The following LAMA1 variants were observed in gnomAD, a reference collection of about 807,000 sequenced individuals.
The protein encoded by LAMA1 is laminin subunit alpha 1, also known as laminin subunit alpha-1.
In LAMA1, 219 loss-of-function variants were observed where a neutral mutation model predicts 348.7. The ratio of observed to expected loss-of-function variants is 0.63; its 90% CI spans 0.56 to 0.70. The LOEUF (loss-of-function observed/expected upper bound fraction) is 0.70. Ranked by LOEUF, LAMA1 falls within the 30% of genes least tolerant of loss-of-function variation. The pLI is 0.00. For synonymous variants in LAMA1, 1,487 were observed against 1,491.0 expected (o/e 1.00, Z 0.06); for missense variants, 3,744 against 3,888.0 (o/e 0.96, Z 0.99).
At chr18:6,982,407 G>T in intron 41 of LAMA1, 90 bp downstream of exon 41, 3 of 1,017,460 alleles carry the variant, frequency 2.9e-6, no homozygotes, top group Non-Finnish European at 4.7e-6. Context: ...GCTTCAAGTT[G>T]CTGCATGCAA....
intron 36 of LAMA1, 118 bp downstream of exon 36, chr18:6,992,441 CTT>C (rs889267519): frequency 4.4e-6 from 5 of 1,133,984 alleles, no homozygotes; most frequent in Non-Finnish European, 6.7e-6. Context: ...CTTCTCCTCT[CTT>C]AGGATATTTC....
intron 56 of LAMA1, chr18:6,956,419 T>C (rs751512025): frequency 1.4e-6 from 1 of 731,160 alleles, no homozygotes; most frequent in South Asian, 1.5e-5. Context: ...GCCTGGGTGT[T>C]GGGGCCTACA....
chr18:7,026,008 G>A lies in LAMA1; in HGVS notation c.2373C>T (p.Cys791=), dbSNP rs536633386. Residue 791 remains cysteine (C), a synonymous_variant, in exon 17 of 63, where the codon TGC becomes TGT. Transcript: ENST00000389658. ...SRGTPGDCQP[C]ACPLTIASNN... ...TGGAGGCTATGGTGAGAGGGCAGGC[G>A]CAGGGCTGGCAGTCCCCAGGTGTCC... 29 of 1,608,786 alleles carry A rather than the reference G, an allele frequency of 1.8e-5. No homozygotes were observed. The highest frequency in any genetic ancestry group is 1.6e-4 in the South Asian group (14 of 89,930).
Position 7,012,110 on chromosome 18 carries a change from T to C in LAMA1, c.3392A>G (p.Glu1131Gly), listed in dbSNP as rs564187115. The C allele has an allele frequency of 3.1e-6, 5 of 1,613,844 alleles. No individual in the cohort carries two copies. In the African/African-American group the frequency reaches 5.3e-5, roughly 17 times the overall value. ...GAGAGCGAAGGTGCCCTCTCGACAT[T>C]CGTTGCACTGAGGACCAAAGACATT... ...KENVFGPQCN[E>G]CREGTFALRA... Residue 1131 changes from glutamate (E) to glycine (G), a missense_variant, in exon 24 of 63, where the codon GAA becomes GGA. Transcript: ENST00000389658.
chr18:7,023,890 G>A (rs991222338), intron 18 of LAMA1, among the ~76,000 whole-genome samples: 1 of 152,148 alleles, frequency 6.6e-6, no homozygotes, highest in Non-Finnish European at 1.5e-5. Flanking sequence ...CTAGGCTGGA[G>A]TGCAATGGCG....
intron 54 of LAMA1, among the ~76,000 whole-genome samples, chr18:6,959,060 C>T (rs2057594538): frequency 6.6e-6 from 1 of 152,070 alleles, no homozygotes; most frequent in Non-Finnish European, 1.5e-5. Context: ...TAATAGTGTA[C>T]TACTATTTGC....
intron 25 of LAMA1, among the ~76,000 whole-genome samples, chr18:7,010,993 A>G (rs2057857169): frequency 6.6e-6 from 1 of 152,212 alleles, no homozygotes; most frequent in African/African-American, 2.4e-5. Context: ...CTAATGACAC[A>G]TTCCCCTAGA....
At position 7,008,517 on chromosome 18, in the gene LAMA1, GAC is replaced by G. The variant is rs2057843645; in HGVS notation, c.4091_4092del (p.Cys1364SerfsTer26). On this transcript the variant is annotated frameshift_variant, in exon 28 of 63. Transcript: ENST00000389658. LOFTEE classifies it high-confidence loss of function. Reference protein sequence around the residue: ...EVASLLENCVCPPGTVGFSCQ... With the variant: ...EVASLLENCVXPPGTVGFSCQ... ...CATGAGAATCCCACAGTGCCAGGAGGACAGACACAATTCTCTAAAAGAGATGC... is the reference window on the plus strand; with the variant it reads ...CATGAGAATCCCACAGTGCCAGGAGGAGACACAATTCTCTAAAAGAGATGC... 6.2e-7 allele frequency: 1 copy of G among 1,613,954 alleles called. No individual in the cohort carries two copies. Among genetic ancestry groups the G allele is most frequent in the Non-Finnish European group, 8.5e-7 (1 of 1,179,968 alleles).
chr18:7,085,555 A>G (rs895127008), intron 1 of LAMA1, among the ~76,000 whole-genome samples: 2 of 151,060 alleles, frequency 1.3e-5, no homozygotes, highest in Non-Finnish European at 2.9e-5. Flanking sequence ...AGTAGCTGGG[A>G]CTATAGGCAC....
At chr18:6,993,784 G>T in intron 34 of LAMA1, 32 bp from the exon 35 acceptor site, 1 of 1,260,564 alleles carries the variant, frequency 7.9e-7, no homozygotes, top group Non-Finnish European at 1.2e-6. Flanking sequence ...AGGTTAGTTT[G>T]ACTTTAAGTA....
intron 1 of LAMA1, among the ~76,000 whole-genome samples, chr18:7,115,669 T>TAAAAAAATAAA (rs2058352394): frequency 7.3e-6 from 1 of 137,474 alleles, no homozygotes. Context: ...AATCGTTTCT[T>TAAAAAAATAAA]AAAAAAAAAA....
chr18:7,105,716 A>G (rs756802728), intron 1 of LAMA1, among the ~76,000 whole-genome samples: 4 of 152,200 alleles, frequency 2.6e-5, no homozygotes, highest in Non-Finnish European at 5.9e-5. Flanking sequence ...TAAATTTTGG[A>G]TGAATTCGTT....
chr18:7,100,687 A>G lies in LAMA1; in HGVS notation c.61+16973T>C, dbSNP rs1165330237. Among the ~76,000 whole-genome samples the G allele has an allele frequency of 3.9e-5, 6 of 152,294 alleles. No homozygotes were observed. The East Asian group carries it at 9.6e-4, about 24-fold the overall frequency. ...ATGCTACAAAATAGATGAACCTAGAAAACACTAACCGAGAGAAGTAGACAC... is the reference window on the plus strand; with the variant it reads ...ATGCTACAAAATAGATGAACCTAGAGAACACTAACCGAGAGAAGTAGACAC... On this transcript the variant is annotated intron_variant, in intron 1 of 62. Coordinates refer to ENST00000389658, the MANE Select transcript of LAMA1 (RefSeq NM_005559.4).
chr18:7,108,921 G>A (rs974200340), intron 1 of LAMA1, among the ~76,000 whole-genome samples: 3 of 151,632 alleles, frequency 2.0e-5, no homozygotes, highest in Middle Eastern at 3.6e-3. Context: ...AAGAGTGCTA[G>A]CCCATCACAG....
At chr18:7,079,895 G>T in intron 3 of LAMA1, 80 bp downstream of exon 3, 1 of 1,016,048 alleles carries the variant, frequency 9.8e-7, no homozygotes, top group Non-Finnish European at 1.6e-6. Context: ...TCAGAAAGAA[G>T]CCAGACTTTC....
chr18:6,975,058 G>T, intron 45 of LAMA1, 22 bp from the exon 46 acceptor site: 1 of 1,611,246 alleles, frequency 6.2e-7, no homozygotes, highest in Non-Finnish European at 8.5e-7. Flanking sequence ...GGAATGAACG[G>T]GGATCAGTTT....
intron 1 of LAMA1, among the ~76,000 whole-genome samples, chr18:7,107,153 C>T (rs1266209468): frequency 6.8e-6 from 1 of 146,752 alleles, no homozygotes; most frequent in African/African-American, 2.5e-5. Context: ...GAGTCTCACT[C>T]TGTCACCCAG....
chr18:6,983,006 TAGGCAGAAA>T, intron 40 of LAMA1, 84 bp downstream of exon 40: 2 of 1,486,864 alleles, frequency 1.3e-6, no homozygotes, highest in Non-Finnish European at 1.9e-6. Flanking sequence ...AGAATGTTAA[TAGGCAGAAA>T]TTGGGGCCAC....
At chr18:6,963,543 C>G (rs956682262) in intron 51 of LAMA1, among the ~76,000 whole-genome samples, 4 of 152,220 alleles carry the variant, frequency 2.6e-5, no homozygotes, top group African/African-American at 9.6e-5. Flanking sequence ...AGAAGTGGCT[C>G]TCTCTACAAA....
Sources: gnomAD v4.1 joint callset for allele counts (sites outside exome capture counted in the v4.1 genomes callset) on GRCh38, gnomAD v4.1.1 for gene constraint, MANE v1.5 for transcripts, NCBI Gene and HGNC (gene_info 2026-07-23, HGNC 2026-07-21) for gene names.